Variants in RGL1 observed in about 807,000 individuals in gnomAD.
RGL1 encodes ral guanine nucleotide dissociation stimulator like 1, also known as ral guanine nucleotide dissociation stimulator-like 1.
A neutral mutation model predicts 95.2 loss-of-function variants in RGL1; 24 were observed. The ratio of observed to expected loss-of-function variants is 0.25; its 90% CI spans 0.18 to 0.35. RGL1 has a LOEUF of 0.35. Among genes scored for constraint, RGL1 ranks in the 10% least tolerant of loss-of-function variants. The pLI, the probability that RGL1 is intolerant of heterozygous loss-of-function variation, is 1.00. For synonymous variants in RGL1, 329 were observed against 344.9 expected, an observed-to-expected ratio of 0.95 and a Z score of 0.51; for missense variants, 715 against 936.3, an observed-to-expected ratio of 0.76 and a Z score of 3.08.
chr1:183,901,275 G>C (rs1296655944), intron 11 of RGL1, among the ~76,000 whole-genome samples: 1 of 151,816 alleles, frequency 6.6e-6, no homozygotes, highest in Admixed American at 6.6e-5. Context: ...CTTCAGCCTG[G>C]GTGACAGAGC....
intron 2 of RGL1, among the ~76,000 whole-genome samples, chr1:183,774,127 A>C (rs1244513940): frequency 6.6e-6 from 1 of 152,176 alleles, no homozygotes; most frequent in East Asian, 1.9e-4. Context: ...ATATGAGGAC[A>C]AGTAATCCTT....
intron 1 of RGL1, among the ~76,000 whole-genome samples, chr1:183,664,079 G>A (rs1446534737): frequency 1.0e-5 from 1 of 97,474 alleles, no homozygotes; most frequent in Non-Finnish European, 1.9e-5. Context: ...GGGGGGAGGG[G>A]GGAGGGATAG....
chr1:183,797,733 C>T (rs1034310338), intron 2 of RGL1, among the ~76,000 whole-genome samples: 2 of 152,060 alleles, frequency 1.3e-5, no homozygotes, highest in Non-Finnish European at 2.9e-5. Context: ...AAAGTTCAAG[C>T]AAAAAGCAGG....
intron 1 of RGL1, among the ~76,000 whole-genome samples, chr1:183,705,928 T>TAGGA (rs1654886414): frequency 6.6e-6 from 1 of 152,108 alleles, no homozygotes; most frequent in Non-Finnish European, 1.5e-5. Context: ...GCTTCTGTGA[T>TAGGA]AGGAACTGGG....
rs559577602 is a variant in RGL1 at position 183,669,201 on chromosome 1, C to T, written c.-33+32700C>T. ...TCGTGATCCACCTGCCTTGGCCTCC[C>T]AAAGTGCTGGGATTACATGGACATT... On this transcript the variant is annotated intron_variant, in intron 1 of 18. Coordinates refer to the RGL1 transcript ENST00000304685. Among the ~76,000 whole-genome samples the T allele has an allele frequency of 8.5e-5, 13 of 152,276 alleles. No homozygotes were observed. In the East Asian group the frequency reaches 2.1e-3, roughly 25 times the overall value.
chr1:183,680,245 T>C (rs7542024), intron 1 of RGL1, among the ~76,000 whole-genome samples: 12,376 of 152,102 alleles, frequency 0.081, 918 homozygotes, highest in African/African-American at 0.2. Context: ...TCAATTTTGG[T>C]TTTTGTTGCC....
chr1:183,676,954 C>T (rs1652865492), intron 1 of RGL1, among the ~76,000 whole-genome samples: 1 of 151,026 alleles, frequency 6.6e-6, no homozygotes, highest in Non-Finnish European at 1.5e-5. Flanking sequence ...ATATAATAAG[C>T]ACTTAGCAAT....
chr1:183,872,599 C>G (rs1418873556), intron 4 of RGL1, among the ~76,000 whole-genome samples: 1 of 152,154 alleles, frequency 6.6e-6, no homozygotes, highest in Non-Finnish European at 1.5e-5. Context: ...ACAGTGACAC[C>G]AGATTTCAGT....
intron 2 of RGL1, among the ~76,000 whole-genome samples, chr1:183,815,396 G>T (rs1401431748): frequency 6.6e-6 from 1 of 152,182 alleles, no homozygotes; most frequent in African/African-American, 2.4e-5. Flanking sequence ...GAAAAGACTT[G>T]CCACTTTCTG....
chr1:183,718,478 T>A (rs565621729), intron 1 of RGL1, among the ~76,000 whole-genome samples: 1 of 152,166 alleles, frequency 6.6e-6, no homozygotes, highest in South Asian at 2.1e-4. Flanking sequence ...TGGTAAATAG[T>A]TTATTAAAAT....
At chr1:183,652,828 G>C (rs1650863993) in intron 1 of RGL1, among the ~76,000 whole-genome samples, 1 of 152,106 alleles carries the variant, frequency 6.6e-6, no homozygotes, top group Non-Finnish European at 1.5e-5. Context: ...CAGCGTGCTG[G>C]AGGGCTCTCT....
intron 6 of RGL1, 101 bp from the exon 7 acceptor site, chr1:183,884,621 TG>T: frequency 1.1e-6 from 1 of 881,154 alleles, no homozygotes; most frequent in Non-Finnish European, 1.8e-6. Context: ...AAGGATTATC[TG>T]GCCATTCACA....
intron 1 of RGL1, among the ~76,000 whole-genome samples, chr1:183,639,570 C>T (rs1386401511): frequency 3.3e-5 from 5 of 152,008 alleles, no homozygotes; most frequent in Admixed American, 2.6e-4. Context: ...AACTTTAAAA[C>T]ATGAACCTTC....
intron 1 of RGL1, among the ~76,000 whole-genome samples, chr1:183,658,448 G>A (rs913502280): frequency 6.6e-5 from 10 of 152,124 alleles, no homozygotes; most frequent in South Asian, 2.1e-4. Context: ...ACGGAGTCTC[G>A]CTGATTGCTA....
intron 12 of RGL1, among the ~76,000 whole-genome samples, chr1:183,904,138 A>G (rs187249847): frequency 3.7e-4 from 57 of 152,308 alleles, no homozygotes; most frequent in African/African-American, 1.3e-3. Context: ...TAAAACCTAA[A>G]CCTAAAGCTT....
intron 2 of RGL1, among the ~76,000 whole-genome samples, chr1:183,827,523 A>G (rs1161966721): frequency 6.6e-6 from 1 of 152,254 alleles, no homozygotes; most frequent in African/African-American, 2.4e-5. Flanking sequence ...GGCAAAATGA[A>G]TGAGTAAGTG....
chr1:183,810,365 G>A (rs921080767), intron 2 of RGL1, among the ~76,000 whole-genome samples: 3 of 152,192 alleles, frequency 2.0e-5, no homozygotes, highest in Admixed American at 1.3e-4. Flanking sequence ...GGTTAGTCAC[G>A]TGGCTCTTCT....
intron 13 of RGL1, among the ~76,000 whole-genome samples, chr1:183,905,581 G>A (rs1668272464): frequency 6.6e-6 from 1 of 152,166 alleles, no homozygotes; most frequent in Non-Finnish European, 1.5e-5. Context: ...GCAAAAGCTT[G>A]GTGGCCTGAC....
intron 2 of RGL1, among the ~76,000 whole-genome samples, chr1:183,768,849 T>G (rs1240315976): frequency 6.6e-6 from 1 of 152,240 alleles, no homozygotes; most frequent in Non-Finnish European, 1.5e-5. Flanking sequence ...ACAATTCTTA[T>G]TCTTAGTATC....
Sources: allele counts gnomAD v4.1 joint callset (sites outside exome capture counted in the v4.1 genomes callset), GRCh38; gene constraint gnomAD v4.1.1; transcripts MANE v1.5; gene names NCBI Gene and HGNC (gene_info 2026-07-23, HGNC 2026-07-21).